Variants in SLC23A2 observed in about 807,000 individuals in gnomAD.
SLC23A2 encodes the protein solute carrier family 23 member 2.
Under a neutral mutation model 73.3 loss-of-function variants are expected in SLC23A2, and 36 were observed. The ratio of observed to expected loss-of-function variants is 0.49; its 90% CI spans 0.38 to 0.65. The LOEUF (loss-of-function observed/expected upper bound fraction) is 0.65. Among genes scored for constraint, SLC23A2 ranks in the 30% least tolerant of loss-of-function variants. The probability of loss-of-function intolerance (pLI) is 0.00; values close to 1 mark genes in which losing one functional copy is unlikely to be tolerated. For synonymous variants in SLC23A2, 343 were observed against 327.3 expected (o/e 1.05, Z -0.52); for missense variants, 507 against 841.6 (o/e 0.60, Z 4.92).
At chr20:4,948,224 GC>G (rs2087146718) in intron 2 of SLC23A2, among the ~76,000 whole-genome samples, 3 of 152,196 alleles carry the variant, frequency 2.0e-5, no homozygotes, top group Non-Finnish European at 4.4e-5. Context: ...AAGGACCAAA[GC>G]CAAATTTCCT....
At chr20:4,866,350 G>A (rs1035106252) in intron 13 of SLC23A2, among the ~76,000 whole-genome samples, 4 of 152,140 alleles carry the variant, frequency 2.6e-5, no homozygotes, top group African/African-American at 4.8e-5. Context: ...ACAGAGGGCC[G>A]GCTATCTTAT....
At chr20:4,915,251 C>T (rs919329950) in intron 3 of SLC23A2, among the ~76,000 whole-genome samples, 4 of 152,088 alleles carry the variant, frequency 2.6e-5, no homozygotes, top group African/African-American at 9.7e-5. Flanking sequence ...ATAGCAGACA[C>T]CTTTCATCTT....
chr20:4,957,627 G>A (rs959547728), intron 2 of SLC23A2, among the ~76,000 whole-genome samples: 39 of 150,920 alleles, frequency 2.6e-4, no homozygotes, highest in African/African-American at 8.5e-4. Flanking sequence ...CAGGCTGAGC[G>A]CAGTGGCTCA....
chr20:5,002,053 G>T (rs1717809376), upstream of SLC23A2, among the ~76,000 whole-genome samples: 1 of 152,166 alleles, frequency 6.6e-6, no homozygotes, highest in South Asian at 2.1e-4. Flanking sequence ...TCTGGGGGTC[G>T]TGTTAGGCTA....
chr20:4,978,743 G>A (rs1394644852), intron 1 of SLC23A2, among the ~76,000 whole-genome samples: 2 of 152,128 alleles, frequency 1.3e-5, no homozygotes, highest in African/African-American at 4.8e-5. Context: ...TCTGAGCTGT[G>A]CTGAGCCAGA....
At chr20:4,955,394 CACA>C (rs763137029) in intron 2 of SLC23A2, among the ~76,000 whole-genome samples, 217 of 142,816 alleles carry the variant, frequency 1.5e-3, no homozygotes, top group Non-Finnish European at 2.7e-3. Flanking sequence ...CACACACACA[CACA>C]CCCTAGAATA....
At chr20:4,968,521 T>C (rs2087510792) in intron 2 of SLC23A2, among the ~76,000 whole-genome samples, 1 of 152,298 alleles carries the variant, frequency 6.6e-6, no homozygotes, top group South Asian at 2.1e-4. Context: ...GAAGCTACTG[T>C]GTTAATCCAA....
chr20:4,993,354 G>C (rs1014485514), intron 1 of SLC23A2, among the ~76,000 whole-genome samples: 4 of 122,072 alleles, frequency 3.3e-5, no homozygotes, highest in Non-Finnish European at 5.1e-5. Flanking sequence ...CTGAATTTCA[G>C]ATTAAAAAAT....
At chr20:4,983,143 T>C (rs1218267973) in intron 1 of SLC23A2, among the ~76,000 whole-genome samples, 2 of 151,830 alleles carry the variant, frequency 1.3e-5, no homozygotes, top group Admixed American at 1.3e-4. Flanking sequence ...ACAATGAAGG[T>C]GGACCCCTAC....
At position 4,874,663 on chromosome 20, in the gene SLC23A2, G is replaced by T; in HGVS notation, c.858C>A (p.Tyr286Ter). Residue 286 changes from tyrosine to a stop codon, truncating the protein, a stop_gained, in exon 10 of 17, where the codon TAC becomes TAA. Transcript: ENST00000338244. LOFTEE classifies it high-confidence loss of function. The part of the protein sequence containing the change: ...TIFLVLLFSQ[Y>*]ARNVKFPLPI... The stretch of plus-strand genomic sequence containing the variant: ...GGAGAGGAAATTTAACATTTCTGGC[G>T]TATTGAGAAAACAGTAATACTAGGA... 6.2e-7 allele frequency: 1 copy of T among 1,611,366 alleles called. No individual in the cohort carries two copies. Among genetic ancestry groups the T allele is most frequent in the Non-Finnish European group, 8.5e-7 (1 of 1,178,054 alleles).
chr20:5,003,252 C>T (rs564203446), upstream of SLC23A2, among the ~76,000 whole-genome samples: 13 of 152,008 alleles, frequency 8.6e-5, no homozygotes, highest in Non-Finnish European at 1.6e-4. Flanking sequence ...GGCGTGGTGG[C>T]GGGCGCCTGT....
At chr20:4,940,930 A>G (rs769011119) in intron 2 of SLC23A2, among the ~76,000 whole-genome samples, 4 of 152,072 alleles carry the variant, frequency 2.6e-5, no homozygotes, top group African/African-American at 4.8e-5. Context: ...CCAAGGCAGG[A>G]GGACTGCCTG....
chr20:4,899,862 T>G lies in SLC23A2; in HGVS notation c.325-150A>C. ...TTCGACCAAGCCATACTTTTTTCCT[T>G]CTTTTTCAGTATTTCTCCTTTGTTG... On this transcript the variant is annotated intron_variant, in intron 5 of 16. Coordinates refer to ENST00000338244, the MANE Select transcript of SLC23A2 (RefSeq NM_005116.6). This position sits in a 1 kb window ranked among gnomAD's most constrained non-coding sequence, Gnocchi z 4.9. 1 of 771,992 alleles carries G rather than the reference T, an allele frequency of 1.3e-6. No individual in the cohort carries two copies. Among genetic ancestry groups the G allele is most frequent in the Admixed American group, 2.8e-5 (1 of 35,096 alleles). The allele number at this position is 771,992 out of a possible 1,614,324, so 47.8% of individuals were successfully genotyped here. A position where few individuals can be genotyped will look rare whatever the true frequency, so the allele number is the denominator to read the frequency against.
At chr20:4,937,892 G>A (rs2122956072) in intron 2 of SLC23A2, among the ~76,000 whole-genome samples, 1 of 152,182 alleles carries the variant, frequency 6.6e-6, no homozygotes, top group South Asian at 2.1e-4. Flanking sequence ...CTTTTCCAGG[G>A]CTGATACCCA....
intron 4 of SLC23A2, among the ~76,000 whole-genome samples, chr20:4,906,272 G>A (rs532284262): frequency 8.9e-4 from 135 of 152,270 alleles, no homozygotes; most frequent in Non-Finnish European, 1.3e-3. Flanking sequence ...CTGAGAGGTT[G>A]CGGCTGCAGT....
At chr20:4,945,222 T>C (rs537666362) in intron 2 of SLC23A2, among the ~76,000 whole-genome samples, 13 of 152,308 alleles carry the variant, frequency 8.5e-5, no homozygotes, top group African/African-American at 2.9e-4. Context: ...GCTCACAGCA[T>C]GTGACTGAAT....
intron 3 of SLC23A2, among the ~76,000 whole-genome samples, chr20:4,921,632 A>C (rs1932503343): frequency 6.6e-6 from 1 of 152,094 alleles, no homozygotes; most frequent in African/African-American, 2.4e-5. Context: ...ATACACCCAA[A>C]ATATCAGTAA....
At chr20:4,937,681 A>G (rs1389853212) in intron 2 of SLC23A2, among the ~76,000 whole-genome samples, 1 of 152,256 alleles carries the variant, frequency 6.6e-6, no homozygotes, top group Non-Finnish European at 1.5e-5. Flanking sequence ...AACTTGAATC[A>G]GTAATCTGAA....
At chr20:4,931,196 T>C (rs562803499) in intron 3 of SLC23A2, among the ~76,000 whole-genome samples, 3 of 150,880 alleles carry the variant, frequency 2.0e-5, no homozygotes, top group African/African-American at 7.3e-5. Context: ...ATAAAAAATA[T>C]TAGCTGAGCA....
Sources: gnomAD v4.1 joint callset for allele counts (sites outside exome capture counted in the v4.1 genomes callset) on GRCh38, gnomAD v4.1.1 for gene constraint, Gnocchi (gnomAD v3.1) non-coding constraint, MANE v1.5 for transcripts, NCBI Gene and HGNC (gene_info 2026-07-23, HGNC 2026-07-21) for gene names.